Variants in RMDN2 observed in about 807,000 individuals in gnomAD.
RMDN2 encodes the protein regulator of microtubule dynamics 2, also known as regulator of microtubule dynamics protein 2.
RMDN2 carries 61 observed loss-of-function variants against 52.8 expected under a neutral mutation model. The ratio of observed to expected loss-of-function variants is 1.16; its 90% CI spans 0.94 to 1.43. The LOEUF (loss-of-function observed/expected upper bound fraction) is 1.43, where lower values mean the gene tolerates loss of function less well. RMDN2 is among the 40% of genes most tolerant of loss of function. The probability of loss-of-function intolerance (pLI) is 0.00; values close to 1 mark genes in which losing one functional copy is unlikely to be tolerated. For synonymous variants in RMDN2, 180 were observed against 153.1 expected (o/e 1.18, Z -1.30); for missense variants, 592 against 475.3 (o/e 1.25, Z -2.28).
intron 1 of RMDN2, 108 bp from the exon 2 acceptor site, chr2:37,929,153 TA>T: frequency 1.5e-6 from 1 of 652,372 alleles, no homozygotes; most frequent in Non-Finnish European, 2.7e-6. Flanking sequence ...CTACTTTTTG[TA>T]AATCCTGTGA....
intron 4 of RMDN2, among the ~76,000 whole-genome samples, chr2:37,980,719 C>G (rs1224273988): frequency 1.3e-5 from 2 of 152,098 alleles, no homozygotes; most frequent in African/African-American, 2.4e-5. Context: ...AAGAACTTCT[C>G]AGGGAAGCCT....
At chr2:38,026,815 ATCC>A (rs1355225850) in intron 10 of RMDN2, among the ~76,000 whole-genome samples, 7 of 152,206 alleles carry the variant, frequency 4.6e-5, no homozygotes, top group Admixed American at 1.3e-4. Context: ...CTTTAGCAGT[ATCC>A]TACAAATTTT....
At chr2:37,982,991 G>A (rs1368314632) in intron 5 of RMDN2, among the ~76,000 whole-genome samples, 1 of 151,884 alleles carries the variant, frequency 6.6e-6, no homozygotes, top group Non-Finnish European at 1.5e-5. Flanking sequence ...AAAGAACACC[G>A]AAGTCCTACT....
At chr2:38,010,364 T>C (rs1021579955) in intron 10 of RMDN2, among the ~76,000 whole-genome samples, 1 of 152,190 alleles carries the variant, frequency 6.6e-6, no homozygotes, top group Admixed American at 6.5e-5. Flanking sequence ...TCCACCTAAT[T>C]CGAGCTTCCT....
chr2:38,042,477 A>G, intron 10 of RMDN2, among the ~76,000 whole-genome samples: 1 of 150,072 alleles, frequency 6.7e-6, no homozygotes, highest in African/African-American at 2.5e-5. Flanking sequence ...TTTTGGTTTA[A>G]TTCATTTTCT....
intron 2 of RMDN2, among the ~76,000 whole-genome samples, chr2:37,957,916 G>T (rs577831076): frequency 1.3e-5 from 2 of 152,122 alleles, no homozygotes; most frequent in Non-Finnish European, 2.9e-5. Flanking sequence ...CTTTCCCCTT[G>T]CTTGTTTTTG....
At chr2:38,049,689 C>T (rs1226549600) in intron 10 of RMDN2, among the ~76,000 whole-genome samples, 1 of 152,152 alleles carries the variant, frequency 6.6e-6, no homozygotes, top group African/African-American at 2.4e-5. Context: ...CCTCCTGTTT[C>T]AGCTTCTCAA....
At chr2:37,975,539 A>G (rs1672356107) in intron 4 of RMDN2, among the ~76,000 whole-genome samples, 1 of 152,182 alleles carries the variant, frequency 6.6e-6, no homozygotes, top group Admixed American at 6.5e-5. Flanking sequence ...GGGGAACATC[A>G]CACAACAGGG....
At chr2:38,018,070 C>T (rs959087028), downstream of RMDN2, among the ~76,000 whole-genome samples, 4 of 152,124 alleles carry the variant, frequency 2.6e-5, no homozygotes, top group Non-Finnish European at 5.9e-5. Context: ...GGTGGAATGT[C>T]ATCAGTTAAG....
At chr2:38,058,308 C>G (rs1000098271) in intron 10 of RMDN2, among the ~76,000 whole-genome samples, 17 of 152,204 alleles carry the variant, frequency 1.1e-4, no homozygotes, top group African/African-American at 3.9e-4. Flanking sequence ...CATTCAATCT[C>G]TCATCATCCA....
chr2:37,942,820 C>G (rs115930528), intron 2 of RMDN2, among the ~76,000 whole-genome samples: 4 of 152,162 alleles, frequency 2.6e-5, no homozygotes, highest in South Asian at 2.1e-4. Context: ...CTCTGGAGAT[C>G]TAGCAGGGAA....
chr2:38,022,793 G>T (rs565172788), intron 10 of RMDN2, among the ~76,000 whole-genome samples: 15 of 152,036 alleles, frequency 9.9e-5, no homozygotes, highest in Non-Finnish European at 2.2e-4. Flanking sequence ...TATACTTTTC[G>T]ATTTCAAAAA....
At chr2:38,058,071 TAGC>T (rs1161281662) in intron 10 of RMDN2, among the ~76,000 whole-genome samples, 1 of 152,252 alleles carries the variant, frequency 6.6e-6, no homozygotes, top group Admixed American at 6.5e-5. Flanking sequence ...CGACTCATAA[TAGC>T]AGCATTAGAA....
intron 1 of RMDN2, among the ~76,000 whole-genome samples, chr2:37,926,364 T>C (rs1666276133): frequency 6.6e-6 from 1 of 152,224 alleles, no homozygotes; most frequent in Non-Finnish European, 1.5e-5. Flanking sequence ...ACATTTCATA[T>C]TCTATTTTCT....
At chr2:38,055,768 C>T (rs1414803936) in intron 10 of RMDN2, among the ~76,000 whole-genome samples, 2 of 152,130 alleles carry the variant, frequency 1.3e-5, no homozygotes, top group Non-Finnish European at 2.9e-5. Flanking sequence ...TAGACCTTCC[C>T]CTTGCAACTC....
At chr2:37,933,203 C>A (rs1380284341) in intron 2 of RMDN2, among the ~76,000 whole-genome samples, 2 of 151,890 alleles carry the variant, frequency 1.3e-5, no homozygotes, top group African/African-American at 2.4e-5. Flanking sequence ...TCCTCACTTC[C>A]CAGATGTGAT....
rs747365575 is a variant in RMDN2, at chr2:38,003,979, C to T, written c.1045-12C>T. 1 of 1,601,730 alleles carries T rather than the reference C, an allele frequency of 6.2e-7. No homozygotes were observed. Among genetic ancestry groups the T allele is most frequent in the Non-Finnish European group, 8.6e-7 (1 of 1,169,322 alleles). ...TGCCCTGTTATTCTCTCATGTTTTT[C>T]TCTCAAATCAGGCTGAAGAACTATG... On this transcript the variant is annotated splice_polypyrimidine_tract_variant and intron_variant, in intron 8 of 10. Coordinates refer to ENST00000354545, the MANE Select transcript of RMDN2 (RefSeq NM_001170791.3).
At chr2:38,030,815 C>G (rs1288809330) in intron 10 of RMDN2, 3 of 152,190 alleles carry the variant, frequency 2.0e-5, no homozygotes, top group Non-Finnish European at 4.4e-5. Context: ...TGGCTGACTT[C>G]CAGCTCTGGC....
At chr2:38,040,821 T>G (rs1033334774) in intron 10 of RMDN2, among the ~76,000 whole-genome samples, 1 of 152,234 alleles carries the variant, frequency 6.6e-6, no homozygotes, top group Non-Finnish European at 1.5e-5. Flanking sequence ...AATTAATATC[T>G]TAAACACTAT....
Sources: gnomAD v4.1 joint callset for allele counts (sites outside exome capture counted in the v4.1 genomes callset) on GRCh38, gnomAD v4.1.1 for gene constraint, MANE v1.5 for transcripts, NCBI Gene and HGNC (gene_info 2026-07-23, HGNC 2026-07-21) for gene names.